Variants in PCDH15 observed in about 807,000 individuals in gnomAD.
PCDH15 encodes protocadherin related 15.
Under a neutral mutation model 178.5 loss-of-function variants are expected in PCDH15, and 129 were observed. That is an observed-to-expected ratio of 0.72 (90% CI 0.63 to 0.84). The LOEUF (loss-of-function observed/expected upper bound fraction) is 0.84, where lower values mean the gene tolerates loss of function less well. PCDH15 is among the 40% of genes least tolerant of loss of function. The pLI is 0.00. For missense variants in PCDH15, 2,230 were observed against 2,099.9 expected (o/e 1.06, Z -1.21); for synonymous variants, 800 against 732.0 (o/e 1.09, Z -1.50).
At chr10:54,783,518 A>C (rs1950565612) in intron 1 of PCDH15, among the ~76,000 whole-genome samples, 1 of 152,110 alleles carries the variant, frequency 6.6e-6, no homozygotes, top group Admixed American at 6.5e-5. Flanking sequence ...TCAGCAAATA[A>C]ATATTTGCAT....
At chr10:54,594,177 A>G (rs1293520224) in intron 2 of PCDH15, among the ~76,000 whole-genome samples, 1 of 152,118 alleles carries the variant, frequency 6.6e-6, no homozygotes, top group African/African-American at 2.4e-5. Context: ...GTCAGCCACC[A>G]TGGACACTTG....
At chr10:54,625,729 A>G (rs1359380560) in intron 2 of PCDH15, among the ~76,000 whole-genome samples, 2 of 152,186 alleles carry the variant, frequency 1.3e-5, no homozygotes, top group Non-Finnish European at 2.9e-5. Context: ...AGCAGCTTGA[A>G]AACAGACTAA....
intron 25 of PCDH15, among the ~76,000 whole-genome samples, chr10:53,925,055 G>C (rs2084378324): frequency 6.6e-6 from 1 of 152,116 alleles, no homozygotes. Flanking sequence ...ATGTGGGTGG[G>C]GCCACATGAG....
intron 2 of PCDH15, among the ~76,000 whole-genome samples, chr10:54,974,094 C>T (rs527838734): frequency 6.6e-6 from 1 of 151,288 alleles, no homozygotes; most frequent in East Asian, 2.0e-4. Context: ...GACACACACA[C>T]ACATACAGAC....
chr10:54,244,376 A>T (rs2055709063), intron 8 of PCDH15, among the ~76,000 whole-genome samples: 1 of 152,124 alleles, frequency 6.6e-6, no homozygotes, highest in Non-Finnish European at 1.5e-5. Context: ...TTTTCTATGG[A>T]TCATCAAATG....
At chr10:54,814,312 C>T (rs1323588048) in intron 3 of PCDH15, among the ~76,000 whole-genome samples, 1 of 152,108 alleles carries the variant, frequency 6.6e-6, no homozygotes, top group East Asian at 1.9e-4. Context: ...TGGATACATA[C>T]ATGTTTATTT....
At chr10:55,548,065 A>G (rs1841928626) in intron 2 of PCDH15, among the ~76,000 whole-genome samples, 1 of 152,024 alleles carries the variant, frequency 6.6e-6, no homozygotes, top group African/African-American at 2.4e-5. Flanking sequence ...CACATGAAAA[A>G]GAATGAAAAA....
At chr10:55,132,999 C>T (rs1453494920) in intron 2 of PCDH15, among the ~76,000 whole-genome samples, 2 of 152,164 alleles carry the variant, frequency 1.3e-5, no homozygotes. Flanking sequence ...AAAAAATAAA[C>T]TGTAAAATCT....
chr10:54,072,773 T>C (rs903143624), intron 17 of PCDH15, among the ~76,000 whole-genome samples: 2 of 152,164 alleles, frequency 1.3e-5, no homozygotes, highest in Admixed American at 1.3e-4. Context: ...TAATAGGTTA[T>C]GGCACTGAAT....
At position 54,051,903 on chromosome 10, in the gene PCDH15, C is replaced by A. The variant is rs145272707; in HGVS notation, c.2220+14854G>T. 7.3e-3 allele frequency among the ~76,000 whole-genome samples: 1,116 copies of A among 152,266 alleles called. 14 individuals are homozygous for A. Among genetic ancestry groups the A allele is most frequent in the African/African-American group, 0.025 (1,046 of 41,552 alleles). On this transcript the variant is annotated intron_variant, in intron 18 of 37. Transcript: ENST00000644397. ...TCCCCATGTTCTGCCTGCTTCAGCTCCAGCCGTGGCTAAAAGGGGCCAATG... is the reference window on the plus strand; with the variant it reads ...TCCCCATGTTCTGCCTGCTTCAGCTACAGCCGTGGCTAAAAGGGGCCAATG...
intron 2 of PCDH15, among the ~76,000 whole-genome samples, chr10:54,614,571 A>T (rs1008397195): frequency 2.0e-5 from 3 of 152,046 alleles, no homozygotes; most frequent in Non-Finnish European, 4.4e-5. Flanking sequence ...TTATATTACA[A>T]TTGTATTTGT....
rs527645616 is a variant in PCDH15 at position 54,319,311 on chromosome 10, T to C, written c.706-1870A>G. ...ATCAATGAATAAATGGATAAACAGA[T>C]TGTGGTATGTACACACAATAGCATA... On this transcript the variant is annotated intron_variant, in intron 7 of 37. Coordinates refer to ENST00000644397, the MANE Select transcript of PCDH15 (RefSeq NM_001384140.1). Among the ~76,000 whole-genome samples, 137 of 152,242 alleles carry C rather than the reference T, an allele frequency of 9.0e-4. 2 individuals carry two copies. In the South Asian group the frequency reaches 0.026, roughly 29 times the overall value.
At chr10:54,206,961 C>G (rs10740578) in intron 10 of PCDH15, among the ~76,000 whole-genome samples, 136,747 of 152,108 alleles carry the variant, frequency 0.9, 61,631 homozygotes, top group East Asian at 0.98. Flanking sequence ...TGGTCTTGCT[C>G]TTGTACTCTT....
At chr10:55,323,690 A>T (rs1843960984), upstream of PCDH15, among the ~76,000 whole-genome samples, 1 of 152,130 alleles carries the variant, frequency 6.6e-6, no homozygotes, top group Non-Finnish European at 1.5e-5. Flanking sequence ...CATTGTATCT[A>T]GGAAGTAACT....
At chr10:54,310,709 T>C (rs1195082713) in intron 8 of PCDH15, among the ~76,000 whole-genome samples, 1 of 152,010 alleles carries the variant, frequency 6.6e-6, no homozygotes, top group Non-Finnish European at 1.5e-5. Context: ...AATAGAACTC[T>C]ATATAGGTTT....
chr10:55,471,725 G>T (rs188480254), intron 2 of PCDH15, among the ~76,000 whole-genome samples: 2 of 152,106 alleles, frequency 1.3e-5, no homozygotes, highest in Non-Finnish European at 2.9e-5. Context: ...ATATTATAGC[G>T]GAAGCTATTG....
intron 2 of PCDH15, among the ~76,000 whole-genome samples, chr10:54,954,241 C>A (rs1307173375): frequency 6.6e-6 from 1 of 151,292 alleles, no homozygotes; most frequent in Non-Finnish European, 1.5e-5. Context: ...CTTAACTTAT[C>A]AGTTTCACTC....
intron 2 of PCDH15, among the ~76,000 whole-genome samples, chr10:54,659,032 A>G (rs1303554277): frequency 1.3e-5 from 2 of 152,192 alleles, no homozygotes; most frequent in East Asian, 3.9e-4. Flanking sequence ...AAAGGTAAAA[A>G]AAAAGACAAA....
chr10:54,647,896 C>T (rs2094166148), intron 2 of PCDH15, among the ~76,000 whole-genome samples: 2 of 151,928 alleles, frequency 1.3e-5, no homozygotes, highest in Admixed American at 1.3e-4. Flanking sequence ...CTCCTTCTTC[C>T]CTATTACCAC....
Sources: gnomAD v4.1 joint callset for allele counts (sites outside exome capture counted in the v4.1 genomes callset) on GRCh38, gnomAD v4.1.1 for gene constraint, MANE v1.5 for transcripts, NCBI Gene and HGNC (gene_info 2026-07-23, HGNC 2026-07-21) for gene names.